The following PPM1J variants were observed in gnomAD, a reference collection of about 807,000 sequenced individuals.
The protein encoded by PPM1J is protein phosphatase, Mg2+/Mn2+ dependent 1J.
In PPM1J, 43 loss-of-function variants were observed where a neutral mutation model predicts 53.3. The ratio of observed to expected loss-of-function variants is 0.81; its 90% CI spans 0.63 to 1.04. The LOEUF (loss-of-function observed/expected upper bound fraction) is 1.04. Ranked by LOEUF, PPM1J falls within the 50% of genes least tolerant of loss-of-function variation. The pLI, the probability that PPM1J is intolerant of heterozygous loss-of-function variation, is 0.00. For missense variants in PPM1J, 635 were observed against 685.9 expected (o/e 0.93, Z 0.83); for synonymous variants, 267 against 286.4 (o/e 0.93, Z 0.68).
Position 112,715,326 on chromosome 1 carries a change from C to T in PPM1J, c.-25G>A. On this transcript the variant is annotated 5_prime_UTR_variant, in exon 1 of 10. Transcript: ENST00000309276. This position sits in a 1 kb window ranked among gnomAD's most constrained non-coding sequence, Gnocchi z 4.4. ...TGCTGCCTCCCTGCCCCGCCCTCGG[C>T]CGCGGCCCCGCCCCCGCCCAGGCCC... 1 of 1,226,016 alleles carries T rather than the reference C, an allele frequency of 8.2e-7. No homozygotes were observed. 75.9% of individuals were successfully genotyped at this position (1,226,016 alleles called of 1,614,324 possible). A position where few individuals can be genotyped will look rare whatever the true frequency, so the allele number is the denominator to read the frequency against.
At position 112,711,057 on chromosome 1, in the gene PPM1J, A is replaced by G; in HGVS notation, c.1061T>C (p.Ile354Thr). 6.2e-7 allele frequency: 1 copy of G among 1,613,962 alleles called. No individual in the cohort carries two copies. The highest frequency in any genetic ancestry group is 1.1e-5 in the South Asian group (1 of 91,058). Residue 354 changes from isoleucine to threonine, a missense_variant, in exon 7 of 10, where the codon ATC (isoleucine) becomes ACC (threonine). Ile to Thr is a moderately conservative substitution (Grantham distance 89). Coordinates refer to ENST00000309276, the MANE Select transcript of PPM1J (RefSeq NM_005167.7). ...QNMTGWAYKK[I>T]ELEDLRFPLV... The stretch of plus-strand genomic sequence containing the variant: ...AGGAAACCTGAGATCCTCCAGCTCG[A>G]TCTTTTTGTAGGCCCTGGGGAGGGG...
chr1:112,710,684 T>C, intron 8 of PPM1J, 60 bp downstream of exon 8: 1 of 1,612,932 alleles, frequency 6.2e-7, no homozygotes, highest in Admixed American at 1.7e-5. Flanking sequence ...ATAAAGGGAC[T>C]GCAGATGAAA....
chr1:112,713,219 G>A (rs1675116275), intron 2 of PPM1J, among the ~76,000 whole-genome samples, 188 bp from the exon 3 acceptor site: 1 of 152,090 alleles, frequency 6.6e-6, no homozygotes, highest in Admixed American at 6.5e-5. Flanking sequence ...AGAAAGGAAA[G>A]GCTCAAAAAC....
chr1:112,713,033 T>G lies in PPM1J; in HGVS notation c.442-2A>C, dbSNP rs368987683. On this transcript the variant is annotated splice_acceptor_variant, in intron 2 of 9. Transcript: ENST00000309276. LOFTEE classifies it high-confidence loss of function. ...GCCCCAGTAGTAGAAGCAGAGTCCC[T>G]GGTGGAGGAAAAGTTGGAGGTGAGT... The G allele has an allele frequency of 1.4e-5, 23 of 1,586,604 alleles. No homozygotes were observed. Among genetic ancestry groups the G allele is most frequent in the Non-Finnish European group, 2.0e-5 (23 of 1,165,212 alleles).
intron 5 of PPM1J, chr1:112,711,589 G>A (rs1471654303): frequency 8.7e-6 from 5 of 577,086 alleles, no homozygotes; most frequent in Middle Eastern, 4.5e-4. Flanking sequence ...AGAGGTTAAG[G>A]GAGGGAACTG....
Position 112,712,391 on chromosome 1 carries a change from T to C in PPM1J, c.796A>G (p.Ile266Val). 1 of 1,613,958 alleles carries C rather than the reference T, an allele frequency of 6.2e-7. No homozygotes were observed. The change falls in exon 4 of 10, where the codon ATC becomes GTC. Residue 266 changes from isoleucine to valine, a missense_variant. Physicochemically the swap from Ile to Val is conservative, Grantham distance 29. Coordinates refer to ENST00000309276, the MANE Select transcript of PPM1J (RefSeq NM_005167.7). Reference protein sequence around the residue: ...VEGGCCALVVIYLLGKVYVAN... With the variant: ...VEGGCCALVVVYLLGKVYVAN... ...ACGTACACCTTGCCTAGCAGGTAGATCACAACCAGTGCACAGCAGCCCCCC... is the reference window on the plus strand; with the variant it reads ...ACGTACACCTTGCCTAGCAGGTAGACCACAACCAGTGCACAGCAGCCCCCC...
In PPM1J at chr1:112,714,189, A is replaced by G. The variant is rs971047575; in HGVS notation, c.327-578T>C. Reference sequence around the variant, plus strand: ...CACCTGGACTGGGCAGGAGCCACATACCCATAAACTCCTCCCACACAGGAG... The same window carrying G: ...CACCTGGACTGGGCAGGAGCCACATGCCCATAAACTCCTCCCACACAGGAG... On this transcript the variant is annotated intron_variant, in intron 1 of 9. Transcript: ENST00000309276. 3 of 989,520 alleles carry G rather than the reference A, an allele frequency of 3.0e-6. No homozygotes were observed. The African/African-American group carries it at 5.2e-5, about 17-fold the overall frequency. The allele number at this position is 989,520 out of a possible 1,614,324, so 61.3% of individuals were successfully genotyped here.
At chr1:112,713,243 A>AT (rs1412901860) in intron 2 of PPM1J, among the ~76,000 whole-genome samples, 2 of 152,200 alleles carry the variant, frequency 1.3e-5, no homozygotes, top group Non-Finnish European at 2.9e-5. Flanking sequence ...AACTCAGAGG[A>AT]TAACAGATCC....
chr1:112,711,055 C>CG lies in PPM1J; in HGVS notation c.1062dup (p.Glu355ArgfsTer35), dbSNP rs1229221060. On this transcript the variant is annotated frameshift_variant, in exon 7 of 10. Coordinates refer to ENST00000309276, the MANE Select transcript of PPM1J (RefSeq NM_005167.7). LOFTEE classifies it high-confidence loss of function. ...AGAGGAAACCTGAGATCCTCCAGCT[C>CG]GATCTTTTTGTAGGCCCTGGGGAGG... is the stretch of plus-strand genomic sequence containing the variant. 6.2e-7 allele frequency: 1 copy of CG among 1,613,922 alleles called. No individual in the cohort carries two copies. Among genetic ancestry groups the CG allele is most frequent in the Non-Finnish European group, 8.5e-7 (1 of 1,179,964 alleles).
chr1:112,711,956 T>A lies in PPM1J; in HGVS notation c.927+15A>T. On this transcript the variant is annotated intron_variant, in intron 5 of 9. Coordinates refer to ENST00000309276, the MANE Select transcript of PPM1J (RefSeq NM_005167.7). ...CCGACAAAGAATGGGGGTAGGGAAT[T>A]TGGTTCCTACTTACAAGCAGCTGAA... The A allele has an allele frequency of 6.3e-7, 1 of 1,583,940 alleles. No homozygotes were observed. The highest frequency in any genetic ancestry group is 8.6e-7 in the Non-Finnish European group (1 of 1,158,024).
intron 1 of PPM1J, chr1:112,714,765 A>C: frequency 8.0e-7 from 1 of 1,245,640 alleles, no homozygotes; most frequent in Non-Finnish European, 1.0e-6. Flanking sequence ...ATGAGCGGGA[A>C]GGACGTGAAG....
chr1:112,711,959 G>A lies in PPM1J; in HGVS notation c.927+12C>T. 1 of 1,590,654 alleles carries A rather than the reference G, an allele frequency of 6.3e-7. No homozygotes were observed. The highest frequency in any genetic ancestry group is 8.6e-7 in the Non-Finnish European group (1 of 1,163,310). On this transcript the variant is annotated intron_variant, in intron 5 of 9. Coordinates refer to ENST00000309276, the MANE Select transcript of PPM1J (RefSeq NM_005167.7). ...ACAAAGAATGGGGGTAGGGAATTTG[G>A]TTCCTACTTACAAGCAGCTGAAGAC... is the stretch of plus-strand genomic sequence containing the variant.
chr1:112,712,931 A>G lies in PPM1J; in HGVS notation c.542T>C (p.Leu181Pro). The change falls in exon 3 of 10, where the codon CTA becomes CCA. Residue 181 changes from leucine (L) to proline (P), a missense_variant. Leu to Pro is a moderately conservative substitution (Grantham distance 98, BLOSUM62 -3). Transcript: ENST00000309276. ...CTGAAGTATCTCTACCAGGTCCTTT[A>G]GCTGCTCTCGGATATGGCGATGCAG... ...RLLHRHIREQ[L>P]KDLVEILQDP... The G allele has an allele frequency of 6.2e-7, 1 of 1,613,980 alleles. No individual in the cohort carries two copies. Among genetic ancestry groups the G allele is most frequent in the East Asian group, 2.2e-5 (1 of 44,886 alleles).
Position 112,713,424 on chromosome 1 carries a change from A to G in PPM1J, c.441+73T>C, listed in dbSNP as rs559388612. The stretch of plus-strand genomic sequence containing the variant: ...GTTCATCAGGTCTTCCGCATGGCTC[A>G]GATTTAAAACCAGAGGCCTGAGTCC... On this transcript the variant is annotated intron_variant, in intron 2 of 9. Transcript: ENST00000309276. 3.4e-5 allele frequency: 36 copies of G among 1,063,564 alleles called. No homozygotes were observed. The South Asian group carries it at 4.5e-4, about 13-fold the overall frequency. The allele number at this position is 1,063,564 out of a possible 1,614,324, so 65.9% of individuals were successfully genotyped here.
In PPM1J at chr1:112,711,968, TA is replaced by T. The variant is rs771455542; in HGVS notation, c.927+2del. 6.3e-7 allele frequency: 1 copy of T among 1,599,618 alleles called. No individual in the cohort carries two copies. Among genetic ancestry groups the T allele is most frequent in the Non-Finnish European group, 8.5e-7 (1 of 1,170,042 alleles). On this transcript the variant is annotated splice_donor_variant, in intron 5 of 9. Coordinates refer to ENST00000309276, the MANE Select transcript of PPM1J (RefSeq NM_005167.7). LOFTEE classifies it high-confidence loss of function. ...GGGGGTAGGGAATTTGGTTCCTACT[TA>T]CAAGCAGCTGAAGACGCTGGCGCTC...
At chr1:112,714,234 G>A in intron 1 of PPM1J, 2 of 985,958 alleles carry the variant, frequency 2.0e-6, no homozygotes, top group Non-Finnish European at 2.4e-6. Flanking sequence ...GGTGGTGGTG[G>A]GTCCATGGGC....
chr1:112,713,387 G>A, intron 2 of PPM1J, 110 bp downstream of exon 2: 1 of 746,346 alleles, frequency 1.3e-6, no homozygotes, highest in Non-Finnish European at 2.4e-6. Flanking sequence ...CCAGAAGGTA[G>A]ATAGCCAGTG....
In PPM1J at chr1:112,713,504, C is replaced by A. The variant is rs370011084; in HGVS notation, c.434G>T (p.Arg145Leu). ...SVTGVPREPS[R>L]GQGLCFYYWG... ...AAAGGGGATGGGTCTTACCTGGCCT[C>A]GGCTAGGCTCCCTAGGTACTCCTGT... Residue 145 changes from arginine to leucine, a missense_variant, in exon 2 of 10, where the codon CGA becomes CTA. By Grantham distance (102) the Arg-to-Leu change is moderately radical. Transcript: ENST00000309276. The A allele has an allele frequency of 2.5e-6, 4 of 1,611,804 alleles. No individual in the cohort carries two copies. In the Admixed American group the frequency reaches 6.7e-5, roughly 27 times the overall value.
intron 1 of PPM1J, among the ~76,000 whole-genome samples, chr1:112,713,824 G>A (rs144027337): frequency 6.6e-6 from 1 of 152,148 alleles, no homozygotes; most frequent in East Asian, 1.9e-4. Context: ...TCACAGAAAG[G>A]CCAGCAGGAG....
Sources: allele counts gnomAD v4.1 joint callset (sites outside exome capture counted in the v4.1 genomes callset), GRCh38; gene constraint gnomAD v4.1.1; non-coding constraint Gnocchi (gnomAD v3.1); transcripts MANE v1.5; gene names NCBI Gene and HGNC (gene_info 2026-07-23, HGNC 2026-07-21).